SLC24A4: variants seen among roughly 807,000 people sequenced by gnomAD.
SLC24A4 encodes the protein sodium/potassium/calcium exchanger 4.
In SLC24A4, 53 loss-of-function variants were observed where a neutral mutation model predicts 79.0. The observed-to-expected ratio is 0.67, with a 90% confidence interval of 0.54 to 0.84. The LOEUF (loss-of-function observed/expected upper bound fraction) is 0.84, where lower values mean the gene tolerates loss of function less well. Among genes scored for constraint, SLC24A4 ranks in the 40% least tolerant of loss-of-function variants. SLC24A4 has a pLI of 0.00. For missense variants in SLC24A4, 731 were observed against 822.0 expected (o/e 0.89, Z 1.35); for synonymous variants, 323 against 323.8 (o/e 1.00, Z 0.03).
intron 2 of SLC24A4, among the ~76,000 whole-genome samples, chr14:92,408,988 C>T (rs1193111306): frequency 6.6e-6 from 1 of 152,132 alleles, no homozygotes; most frequent in Non-Finnish European, 1.5e-5. Flanking sequence ...GAAATCTGGC[C>T]TGAGGACTGC....
At chr14:92,425,544 G>C (rs2139768902) in intron 2 of SLC24A4, among the ~76,000 whole-genome samples, 1 of 152,324 alleles carries the variant, frequency 6.6e-6, no homozygotes, top group South Asian at 2.1e-4. Flanking sequence ...TTGGAGCTGT[G>C]GGTCACAGTC....
At chr14:92,405,822 A>T (rs2141775435) in intron 2 of SLC24A4, among the ~76,000 whole-genome samples, 1 of 152,242 alleles carries the variant, frequency 6.6e-6, no homozygotes, top group African/African-American at 2.4e-5. Flanking sequence ...GCATGGACAC[A>T]AATCCAAACC....
At chr14:92,362,338 T>C (rs1887580528) in intron 2 of SLC24A4, among the ~76,000 whole-genome samples, 1 of 152,090 alleles carries the variant, frequency 6.6e-6, no homozygotes, top group Non-Finnish European at 1.5e-5. Flanking sequence ...TGGCCCCTTC[T>C]TGTTGCTCTA....
chr14:92,384,121 T>G (rs1367440775), intron 2 of SLC24A4, among the ~76,000 whole-genome samples: 1 of 152,018 alleles, frequency 6.6e-6, no homozygotes, highest in South Asian at 2.1e-4. Flanking sequence ...GTGGTTGTTT[T>G]CCCCCCAGCT....
At chr14:92,344,523 G>A (rs1045985154) in intron 2 of SLC24A4, among the ~76,000 whole-genome samples, 1 of 152,098 alleles carries the variant, frequency 6.6e-6, no homozygotes, top group African/African-American at 2.4e-5. Context: ...ATTTTTTATC[G>A]AGGCAGTTGG....
intron 2 of SLC24A4, among the ~76,000 whole-genome samples, chr14:92,360,464 A>G (rs1887444766): frequency 6.6e-6 from 1 of 152,202 alleles, no homozygotes; most frequent in African/African-American, 2.4e-5. Flanking sequence ...TATAGTTCAT[A>G]TTCACTGTGA....
At chr14:92,378,969 G>A (rs1036690222) in intron 2 of SLC24A4, among the ~76,000 whole-genome samples, 1 of 152,152 alleles carries the variant, frequency 6.6e-6, no homozygotes. Context: ...GGCTGAGATG[G>A]GAGAATCGCT....
chr14:92,485,215 G>A (rs1895283813), intron 13 of SLC24A4, among the ~76,000 whole-genome samples: 1 of 152,178 alleles, frequency 6.6e-6, no homozygotes. Context: ...TGTAATCCCA[G>A]CACTTCGGGA....
chr14:92,363,637 C>G (rs961445756), intron 2 of SLC24A4, among the ~76,000 whole-genome samples: 1 of 152,196 alleles, frequency 6.6e-6, no homozygotes, highest in African/African-American at 2.4e-5. Context: ...CAAGACCATC[C>G]TGGCCAACAT....
intron 2 of SLC24A4, among the ~76,000 whole-genome samples, chr14:92,383,784 G>A (rs1307702971): frequency 1.3e-5 from 2 of 152,142 alleles, no homozygotes; most frequent in Non-Finnish European, 2.9e-5. Flanking sequence ...ACACGCCCTC[G>A]TCAGCCTCCT....
At chr14:92,338,648 G>T (rs188734032) in intron 2 of SLC24A4, among the ~76,000 whole-genome samples, 1 of 152,302 alleles carries the variant, frequency 6.6e-6, no homozygotes, top group Admixed American at 6.5e-5. Flanking sequence ...TTCAGGGATG[G>T]CTGGGCAGAT....
chr14:92,453,004 ACT>A (rs1297931543), intron 10 of SLC24A4: 2 of 152,118 alleles, frequency 1.3e-5, no homozygotes, highest in African/African-American at 2.4e-5. Context: ...GGAGGGGAAC[ACT>A]CTGCCTGCTT....
chr14:92,374,784 A>G (rs966224869), intron 2 of SLC24A4, among the ~76,000 whole-genome samples: 2 of 152,160 alleles, frequency 1.3e-5, no homozygotes, highest in Non-Finnish European at 2.9e-5. Context: ...GGACCTTTAA[A>G]TGTTGGGTGC....
In SLC24A4 at chr14:92,492,166, AT is replaced by A; in HGVS notation, c.1651-5del. ...AAGAGACTCAGGGCACGTGTGTTTG[AT>A]TTTCCAGGTGAAGATCAACAGCCGG... is the stretch of plus-strand genomic sequence containing the variant. On this transcript the variant is annotated splice_region_variant and splice_polypyrimidine_tract_variant and intron_variant, in intron 15 of 16. Coordinates refer to ENST00000532405, the MANE Select transcript of SLC24A4 (RefSeq NM_153646.4). 6.2e-7 allele frequency: 1 copy of A among 1,613,698 alleles called. No individual in the cohort carries two copies. Among genetic ancestry groups the A allele is most frequent in the Non-Finnish European group, 8.5e-7 (1 of 1,179,868 alleles).
At chr14:92,422,114 G>A (rs1008520811) in intron 2 of SLC24A4, among the ~76,000 whole-genome samples, 3 of 152,190 alleles carry the variant, frequency 2.0e-5, no homozygotes, top group Non-Finnish European at 4.4e-5. Flanking sequence ...TATCTAAAAT[G>A]CCCTGTAAGG....
At chr14:92,338,143 T>C (rs935126644) in intron 2 of SLC24A4, among the ~76,000 whole-genome samples, 38 of 152,166 alleles carry the variant, frequency 2.5e-4, no homozygotes, top group Admixed American at 2.4e-3. Flanking sequence ...GATAAAGTCC[T>C]TTCTGTTAGT....
At chr14:92,491,824 GT>G in intron 15 of SLC24A4, 47 bp downstream of exon 15, 1 of 1,478,682 alleles carries the variant, frequency 6.8e-7, no homozygotes, top group Non-Finnish European at 9.5e-7. Flanking sequence ...CAGAAGGCTA[GT>G]GGTGTTGGCC....
intron 10 of SLC24A4, chr14:92,453,681 C>A: frequency 2.0e-6 from 1 of 503,248 alleles, no homozygotes; most frequent in Non-Finnish European, 3.5e-6. Context: ...CAAGGGGACA[C>A]ACTGGGCTTC....
intron 2 of SLC24A4, among the ~76,000 whole-genome samples, chr14:92,335,814 C>G (rs1021162054): frequency 3.3e-5 from 5 of 152,162 alleles, no homozygotes; most frequent in African/African-American, 1.2e-4. Context: ...TTACTCATAA[C>G]TATTAATAAG....
Sources: gnomAD v4.1 joint callset for allele counts (sites outside exome capture counted in the v4.1 genomes callset) on GRCh38, gnomAD v4.1.1 for gene constraint, MANE v1.5 for transcripts, NCBI Gene and HGNC (gene_info 2026-07-23, HGNC 2026-07-21) for gene names.